The following ADGRA2 variants were observed in gnomAD, a reference collection of about 807,000 sequenced individuals.
ADGRA2 encodes G-protein coupled receptor 124.
Under a neutral mutation model 98.7 loss-of-function variants are expected in ADGRA2, and 61 were observed. That is an observed-to-expected ratio of 0.62 (90% CI 0.50 to 0.76). ADGRA2 has a LOEUF of 0.76. Among genes scored for constraint, ADGRA2 ranks in the 30% least tolerant of loss-of-function variants. The probability of loss-of-function intolerance (pLI) is 0.00; values close to 1 mark genes in which losing one functional copy is unlikely to be tolerated. For synonymous variants in ADGRA2, 858 were observed against 831.5 expected, an observed-to-expected ratio of 1.03 and a Z score of -0.55; for missense variants, 1,712 against 1,860.0, an observed-to-expected ratio of 0.92 and a Z score of 1.46.
rs1554522472 is a variant in ADGRA2, at chr8:37,804,130, C to CACACACACACACAT, written c.266+6609_266+6610insTACACACACACACA. ...ACACACACACACACACACACACACA[C>CACACACACACACAT]ACACACACACACACACACACACGGC... On this transcript the variant is annotated intron_variant, in intron 1 of 18. Coordinates refer to ENST00000412232, the MANE Select transcript of ADGRA2 (RefSeq NM_032777.10). Among the ~76,000 whole-genome samples, 1,163 of 148,652 alleles carry CACACACACACACAT rather than the reference C, an allele frequency of 7.8e-3. 16 individuals carry two copies. The highest frequency in any genetic ancestry group is 0.019 in the South Asian group (89 of 4,614).
rs767025914 is a variant in ADGRA2, at chr8:37,841,179, G to C, written c.2841G>C (p.Gly947=). ...LITWIYFLCA[G]LRLRGPLAQN... ...CCTGGATCTATTTCCTGTGCGCCGG[G>C]CTACGCTTACGGGGTCCTCTGGCAC... Residue 947 remains glycine, a synonymous_variant, in exon 19 of 19, where the codon GGG becomes GGC. Coordinates refer to ENST00000412232, the MANE Select transcript of ADGRA2 (RefSeq NM_032777.10). The surrounding 1 kb of genome is among the most constrained non-coding windows in gnomAD (Gnocchi z 5.0). The C allele has an allele frequency of 2.5e-6, 4 of 1,613,068 alleles. No individual in the cohort carries two copies. The highest frequency in any genetic ancestry group is 1.1e-5 in the South Asian group (1 of 91,088).
In ADGRA2 at chr8:37,838,987, G is replaced by T; in HGVS notation, c.2291G>T (p.Gly764Val). The T allele has an allele frequency of 6.3e-7, 1 of 1,575,340 alleles. No homozygotes were observed. Among genetic ancestry groups the T allele is most frequent in the Non-Finnish European group, 8.6e-7 (1 of 1,161,066 alleles). The change falls in exon 15 of 19, where the codon GGC (glycine) becomes GTC (valine). Residue 764 changes from glycine to valine, a missense_variant. Gly to Val is a moderately radical substitution (Grantham distance 109). Transcript: ENST00000412232. ...AGCGCCTTTCCCAGGGAGGTGGGGG[G>T]CGCCGGGGCAGGGCTGCACCCCGTG... is the stretch of plus-strand genomic sequence containing the variant. Reference protein sequence around the residue: ...ELSAFPREVGGAGAGLHPVVY... With the variant: ...ELSAFPREVGVAGAGLHPVVY...
chr8:37,841,726 G>A lies in ADGRA2; in HGVS notation c.3388G>A (p.Ala1130Thr). The change falls in exon 19 of 19, where the codon GCT (alanine) becomes ACT (threonine). Residue 1130 changes from alanine (A) to threonine (T), a missense_variant. Physicochemically the swap from Ala to Thr is moderately conservative, Grantham distance 58. Coordinates refer to ENST00000412232, the MANE Select transcript of ADGRA2 (RefSeq NM_032777.10). This position sits in a 1 kb window ranked among gnomAD's most constrained non-coding sequence, Gnocchi z 5.0. ...SPSGSSGHPL[A>T]LGPCKLTNLQ... is the part of the protein sequence containing the mutation. The stretch of plus-strand genomic sequence containing the variant: ...AAGCGGCAGCAGCGGCCATCCGCTG[G>A]CTCTGGGCCCCTGCAAGCTCACCAA... 1 of 1,542,172 alleles carries A rather than the reference G, an allele frequency of 6.5e-7. No individual in the cohort carries two copies. The highest frequency in any genetic ancestry group is 2.5e-5 in the East Asian group (1 of 40,476).
At position 37,830,648 on chromosome 8, in the gene ADGRA2, T is replaced by G; in HGVS notation, c.719-62T>G. The G allele has an allele frequency of 2.0e-6, 1 of 489,938 alleles. No individual in the cohort carries two copies. Among genetic ancestry groups the G allele is most frequent in the Non-Finnish European group, 3.6e-6 (1 of 277,088 alleles). 30.3% of individuals were successfully genotyped at this position (489,938 alleles called of 1,614,324 possible). A position where few individuals can be genotyped will look rare whatever the true frequency, so the allele number is the denominator to read the frequency against. Reference sequence around the variant, plus strand: ...CCACCCCATCCTGCTGGACTCTCGCTCACACGTGCAGCCTCACATGCGTGT... The same window carrying G: ...CCACCCCATCCTGCTGGACTCTCGCGCACACGTGCAGCCTCACATGCGTGT... On this transcript the variant is annotated intron_variant, in intron 6 of 18. Coordinates refer to ENST00000412232, the MANE Select transcript of ADGRA2 (RefSeq NM_032777.10). The surrounding 1 kb of genome is among the most constrained non-coding windows in gnomAD (Gnocchi z 4.8).
At position 37,797,999 on chromosome 8, in the gene ADGRA2, T is replaced by A. The variant is rs947436189; in HGVS notation, c.266+465T>A. 2.0e-5 allele frequency among the ~76,000 whole-genome samples: 3 copies of A among 152,220 alleles called. No individual in the cohort carries two copies. The highest frequency in any genetic ancestry group is 6.5e-5 in the Admixed American group (1 of 15,282). ...GGAGGAGTCTCCGGATTTACCTGGC[T>A]GGCCTTGTCCCTTCAATTGGGGTCA... On this transcript the variant is annotated intron_variant, in intron 1 of 18. Coordinates refer to ENST00000412232, the MANE Select transcript of ADGRA2 (RefSeq NM_032777.10). This position sits in a 1 kb window ranked among gnomAD's most constrained non-coding sequence, Gnocchi z 5.3.
In ADGRA2 at chr8:37,828,900, C is replaced by A. The variant is rs769611097; in HGVS notation, c.351C>A (p.Asn117Lys). 4.4e-6 allele frequency: 7 copies of A among 1,599,552 alleles called. No individual in the cohort carries two copies. The highest frequency in any genetic ancestry group is 1.1e-5 in the South Asian group (1 of 88,836). ...LSLLEKLDLR[N>K]NIISTVQPGA... is the part of the protein sequence containing the mutation. Reference sequence around the variant, plus strand: ...CTTGCCTCTGCAGGGACCTGAGGAACAACATCATCAGCACAGTGCAGCCGG... The same window carrying A: ...CTTGCCTCTGCAGGGACCTGAGGAAAAACATCATCAGCACAGTGCAGCCGG... Residue 117 changes from asparagine (N) to lysine (K), a missense_variant, in exon 3 of 19, where the codon AAC (asparagine) becomes AAA (lysine). Physicochemically the swap from Asn to Lys is moderately conservative, Grantham distance 94 (BLOSUM62 0). Coordinates refer to ENST00000412232, the MANE Select transcript of ADGRA2 (RefSeq NM_032777.10).
intron 1 of ADGRA2, among the ~76,000 whole-genome samples, chr8:37,803,059 G>A (rs1804553828): frequency 6.6e-6 from 1 of 152,182 alleles, no homozygotes; most frequent in African/African-American, 2.4e-5. Flanking sequence ...CCTGGGGGGA[G>A]TGTGAGAATT....
chr8:37,840,927 C>A, intron 18 of ADGRA2, 78 bp downstream of exon 18: 1 of 1,034,550 alleles, frequency 9.7e-7, no homozygotes. Context: ...GGGCCATCTG[C>A]CAGGTCCACC....
chr8:37,841,065 C>T lies in ADGRA2; in HGVS notation c.2748-21C>T. 6.4e-7 allele frequency: 1 copy of T among 1,570,598 alleles called. No homozygotes were observed. The highest frequency in any genetic ancestry group is 1.7e-4 in the Middle Eastern group (1 of 5,904). On this transcript the variant is annotated intron_variant, in intron 18 of 18. Coordinates refer to ENST00000412232, the MANE Select transcript of ADGRA2 (RefSeq NM_032777.10). The surrounding 1 kb of genome is among the most constrained non-coding windows in gnomAD (Gnocchi z 5.0). Reference sequence around the variant, plus strand: ...CCAGCCATGCCCCCTGTCCTCATCACTGCTTCTGTGTCTCCTACAGCTGCT... The same window carrying T: ...CCAGCCATGCCCCCTGTCCTCATCATTGCTTCTGTGTCTCCTACAGCTGCT...
intron 9 of ADGRA2, 62 bp downstream of exon 9, chr8:37,833,270 A>C (rs1805511254): frequency 2.3e-6 from 3 of 1,328,680 alleles, no homozygotes; most frequent in African/African-American, 1.5e-5. Flanking sequence ...GGGAGAAGCC[A>C]ACCTAACGGG....
intron 1 of ADGRA2, among the ~76,000 whole-genome samples, chr8:37,812,153 G>GTGATGT (rs776961496): frequency 2.1e-5 from 3 of 142,102 alleles, no homozygotes; most frequent in African/African-American, 7.6e-5. Context: ...ACTTGCAATG[G>GTGATGT]TGTTGTTGTT....
At chr8:37,816,927 A>AACTCAC (rs869296926) in intron 2 of ADGRA2, among the ~76,000 whole-genome samples, 57 of 131,888 alleles carry the variant, frequency 4.3e-4, no homozygotes, top group Non-Finnish European at 2.1e-4. Context: ...AAGAAAGCAA[A>AACTCAC]ACACACACAC....
rs764442933 is a variant in ADGRA2, at chr8:37,839,071, T to G, written c.2375T>G (p.Ile792Ser). ...CTCTTCGCCACCATCATCACCTACATCCTCAACCACAGGTGGGTGCTCCTG... is the reference window on the plus strand; with the variant it reads ...CTCTTCGCCACCATCATCACCTACAGCCTCAACCACAGGTGGGTGCTCCTG... ...LCLFATIITY[I>S]LNHSSIRVSR... Residue 792 changes from isoleucine to serine, a missense_variant, in exon 15 of 19, where the codon ATC (isoleucine) becomes AGC (serine). Coordinates refer to ENST00000412232, the MANE Select transcript of ADGRA2 (RefSeq NM_032777.10). 108 of 1,609,046 alleles carry G rather than the reference T, an allele frequency of 6.7e-5. No homozygotes were observed. Among genetic ancestry groups the G allele is most frequent in the Non-Finnish European group, 8.7e-5 (103 of 1,177,486 alleles).
Position 37,840,835 on chromosome 8 carries a change from G to T in ADGRA2, c.2733G>T (p.Arg911=). The T allele has an allele frequency of 3.1e-6, 5 of 1,600,780 alleles. No homozygotes were observed. The highest frequency in any genetic ancestry group is 4.3e-6 in the Non-Finnish European group (5 of 1,169,140). Residue 911 remains arginine (R), a synonymous_variant, in exon 18 of 19, where the codon CGG becomes CGT. Transcript: ENST00000412232. ...CTGCAGTCAACATCCACAACTACCG[G>T]GACCACAGCCCCTAGTGAGCACCCC... ...ITAAVNIHNY[R]DHSPYCWLVW...
rs1398331598 is a variant in ADGRA2, at chr8:37,843,460, G to A, written c.*1105G>A. On this transcript the variant is annotated 3_prime_UTR_variant, in exon 19 of 19. Coordinates refer to ENST00000412232, the MANE Select transcript of ADGRA2 (RefSeq NM_032777.10). ...TGGCTGGGGTCCCTGCAGGTCATGAGGGGCCTATGCCTTTACTCCTTTTAA... is the reference window on the plus strand; with the variant it reads ...TGGCTGGGGTCCCTGCAGGTCATGAAGGGCCTATGCCTTTACTCCTTTTAA... 6.6e-6 allele frequency: 1 copy of A among 152,266 alleles called. No homozygotes were observed. Among genetic ancestry groups the A allele is most frequent in the African/African-American group, 2.4e-5 (1 of 41,446 alleles). 9.4% of individuals were successfully genotyped at this position (152,266 alleles called of 1,614,324 possible).
In ADGRA2 at chr8:37,841,372, C is replaced by T. The variant is rs760589310; in HGVS notation, c.3034C>T (p.Leu1012Phe). The T allele has an allele frequency of 4.3e-6, 7 of 1,610,016 alleles. No homozygotes were observed. In the South Asian group the frequency reaches 7.7e-5, roughly 18 times the overall value. Residue 1012 changes from leucine (L) to phenylalanine (F), a missense_variant, in exon 19 of 19, where the codon CTC becomes TTC. Coordinates refer to ENST00000412232, the MANE Select transcript of ADGRA2 (RefSeq NM_032777.10). This position sits in a 1 kb window ranked among gnomAD's most constrained non-coding sequence, Gnocchi z 5.0. ...TPGPPEDGDS[L>F]YSPGVQLGAL... ...CGGGCCCCCGGAGGATGGTGACAGC[C>T]TCTATTCTCCGGGAGTCCAGCTAGG...
chr8:37,832,965 TC>T, intron 8 of ADGRA2, 44 bp from the exon 9 acceptor site: 1 of 1,477,830 alleles, frequency 6.8e-7, no homozygotes, highest in East Asian at 2.3e-5. Flanking sequence ...GGGCTGTTGT[TC>T]TGAGAAGCCC....
In ADGRA2 at chr8:37,831,462, C is replaced by A. The variant is rs766407418; in HGVS notation, c.972C>A (p.Gly324=). ...TLSHIGVWAS[G]EWECTVSMAQ... ...CTCACATCGGCGTGTGGGCCTCAGG[C>A]GAGTGGGAGTGCACCGTGTCCATGG... The change falls in exon 8 of 19, where the codon GGC becomes GGA. Residue 324 remains glycine, a synonymous_variant. Coordinates refer to ENST00000412232, the MANE Select transcript of ADGRA2 (RefSeq NM_032777.10). The A allele has an allele frequency of 1.2e-6, 2 of 1,613,122 alleles. No individual in the cohort carries two copies. Among genetic ancestry groups the A allele is most frequent in the South Asian group, 2.2e-5 (2 of 91,074 alleles).
Position 37,797,526 on chromosome 8 carries a change from C to G in ADGRA2, c.258C>G (p.Thr86=), listed in dbSNP as rs371193886. Residue 86 remains threonine (T), a synonymous_variant, in exon 1 of 19, where the codon ACC becomes ACG. Transcript: ENST00000412232. This position sits in a 1 kb window ranked among gnomAD's most constrained non-coding sequence, Gnocchi z 5.3. Reference sequence around the variant, plus strand: ...AGCCCGGCCTTCTGCCTAACGGCACCGTTACCCTGTGAGTACCCTACCAGG... The same window carrying G: ...AGCCCGGCCTTCTGCCTAACGGCACGGTTACCCTGTGAGTACCCTACCAGG... ...PPEPGLLPNG[T]VTLLLSNNKI... 870 of 1,396,798 alleles carry G rather than the reference C, an allele frequency of 6.2e-4. 8 individuals are homozygous for G. The East Asian group carries it at 0.019, about 30-fold the overall frequency. The allele number at this position is 1,396,798 out of a possible 1,614,324, so 86.5% of individuals were successfully genotyped here.
Sources: gnomAD v4.1 joint callset for allele counts (sites outside exome capture counted in the v4.1 genomes callset) on GRCh38, gnomAD v4.1.1 for gene constraint, Gnocchi (gnomAD v3.1) non-coding constraint, MANE v1.5 for transcripts, NCBI Gene and HGNC (gene_info 2026-07-23, HGNC 2026-07-21) for gene names.